Variants in CSMD1 observed in about 807,000 individuals in gnomAD.
CSMD1 encodes the protein CUB and sushi domain-containing protein 1.
A neutral mutation model predicts 417.5 loss-of-function variants in CSMD1; 213 were observed. The observed-to-expected ratio is 0.51, with a 90% CI of 0.46 to 0.57. The LOEUF (loss-of-function observed/expected upper bound fraction) is 0.57, where lower values mean the gene tolerates loss of function less well. Among genes scored for constraint, CSMD1 ranks in the 20% least tolerant of loss-of-function variants. The pLI is 0.00. For synonymous variants in CSMD1, 2,862 were observed against 1,736.8 expected (o/e 1.65, Z -16.11); for missense variants, 6,923 against 4,529.7 (o/e 1.53, Z -15.17).
At chr8:3,955,641 A>G (rs749508503) in intron 5 of CSMD1, among the ~76,000 whole-genome samples, 1 of 152,104 alleles carries the variant, frequency 6.6e-6, no homozygotes, top group Non-Finnish European at 1.5e-5. Flanking sequence ...ATACCTCACT[A>G]CTTCCTCTTT....
intron 12 of CSMD1, among the ~76,000 whole-genome samples, chr8:3,424,953 G>C (rs867012263): frequency 6.6e-6 from 1 of 152,078 alleles, no homozygotes; most frequent in Non-Finnish European, 1.5e-5. Flanking sequence ...TTCGACCTCA[G>C]CCCCTGGAGT....
chr8:3,673,500 T>C (rs954002252), intron 7 of CSMD1, among the ~76,000 whole-genome samples: 2 of 152,232 alleles, frequency 1.3e-5, no homozygotes, highest in African/African-American at 4.8e-5. Context: ...TCAACTGTGA[T>C]GTTCATAAAC....
chr8:4,876,337 T>A (rs1803042293), intron 1 of CSMD1, among the ~76,000 whole-genome samples: 1 of 152,026 alleles, frequency 6.6e-6, no homozygotes, highest in African/African-American at 2.4e-5. Flanking sequence ...TAACTTAAAA[T>A]CTACAGGTAA....
At chr8:3,385,551 T>C (rs1429251017) in intron 18 of CSMD1, among the ~76,000 whole-genome samples, 1 of 152,144 alleles carries the variant, frequency 6.6e-6, no homozygotes, top group Non-Finnish European at 1.5e-5. Flanking sequence ...TGTTACACAA[T>C]ACTTCTAAAA....
chr8:3,823,455 T>G (rs573957597), intron 5 of CSMD1, among the ~76,000 whole-genome samples: 1 of 152,322 alleles, frequency 6.6e-6, no homozygotes, highest in South Asian at 2.1e-4. Context: ...ATAAAACGTT[T>G]GCAATTTTTA....
intron 1 of CSMD1, among the ~76,000 whole-genome samples, chr8:4,720,809 C>G (rs1020630982): frequency 6.6e-6 from 1 of 152,064 alleles, no homozygotes; most frequent in African/African-American, 2.4e-5. Context: ...ATCTAAAGAT[C>G]AACAACGGCC....
At chr8:3,950,640 C>T (rs1436850050) in intron 5 of CSMD1, among the ~76,000 whole-genome samples, 1 of 152,184 alleles carries the variant, frequency 6.6e-6, no homozygotes, top group African/African-American at 2.4e-5. Flanking sequence ...TGATCTTTTT[C>T]TTCATGATGG....
At chr8:4,406,007 AATTC>A (rs1286167122) in intron 3 of CSMD1, among the ~76,000 whole-genome samples, 13 of 152,322 alleles carry the variant, frequency 8.5e-5, no homozygotes, top group Admixed American at 8.5e-4. Flanking sequence ...GTGAGAGGGC[AATTC>A]ATTCAGACTG....
intron 2 of CSMD1, among the ~76,000 whole-genome samples, chr8:4,635,055 TAAGGA>T (rs1379963720): frequency 1.3e-5 from 2 of 152,152 alleles, no homozygotes; most frequent in Admixed American, 1.3e-4. Flanking sequence ...ATCCTAACTC[TAAGGA>T]CAATAAACAA....
chr8:4,314,524 T>C (rs1018616908), intron 3 of CSMD1, among the ~76,000 whole-genome samples: 1 of 152,114 alleles, frequency 6.6e-6, no homozygotes, highest in African/African-American at 2.4e-5. Flanking sequence ...TGCCTTGGGA[T>C]TTCTCCCGAA....
intron 5 of CSMD1, among the ~76,000 whole-genome samples, chr8:3,855,770 C>G (rs1002749757): frequency 6.6e-6 from 1 of 152,132 alleles, no homozygotes; most frequent in African/African-American, 2.4e-5. Flanking sequence ...AGTCTGCTGA[C>G]TTTCTGAGTA....
chr8:3,431,335 G>A (rs1814205400), intron 12 of CSMD1, among the ~76,000 whole-genome samples: 1 of 152,090 alleles, frequency 6.6e-6, no homozygotes, highest in South Asian at 2.1e-4. Flanking sequence ...CTACAGAAAG[G>A]CAGTAACTTG....
intron 10 of CSMD1, among the ~76,000 whole-genome samples, chr8:3,514,990 T>A (rs914359035): frequency 1.3e-5 from 2 of 152,180 alleles, no homozygotes; most frequent in African/African-American, 4.8e-5. Flanking sequence ...AAAAACAACA[T>A]TTTATACTGA....
rs144358680 is a variant in CSMD1, at chr8:3,088,610, G to C, written c.7286-1325C>G. Among the ~76,000 whole-genome samples, 414 of 152,180 alleles carry C rather than the reference G, an allele frequency of 2.7e-3. 4 individuals carry two copies. Among genetic ancestry groups the C allele is most frequent in the Middle Eastern group, 0.01 (3 of 294 alleles). Reference sequence around the variant, plus strand: ...CCTCAGAAAATATTCTCAGCTGGGTGAGCCTCTGAAGTACCATTTCCTTTT... The same window carrying C: ...CCTCAGAAAATATTCTCAGCTGGGTCAGCCTCTGAAGTACCATTTCCTTTT... On this transcript the variant is annotated intron_variant, in intron 48 of 69. Transcript: ENST00000635120.
Position 3,649,383 on chromosome 8 carries a change from T to C in CSMD1, c.1010-32586A>G, listed in dbSNP as rs1387087828. Among the ~76,000 whole-genome samples the C allele has an allele frequency of 3.3e-5, 5 of 152,202 alleles. No individual in the cohort carries two copies. In the East Asian group the frequency reaches 7.7e-4, roughly 23 times the overall value. ...GCTTTTACACTGATATTAAAATTCA[T>C]CTGTATTAGTTCGTTTTCACACTGC... is the stretch of plus-strand genomic sequence containing the variant. On this transcript the variant is annotated intron_variant, in intron 7 of 69. Coordinates refer to ENST00000635120, the MANE Select transcript of CSMD1 (RefSeq NM_033225.6).
At chr8:3,092,468 C>T (rs1815009052) in intron 47 of CSMD1, among the ~76,000 whole-genome samples, 1 of 152,170 alleles carries the variant, frequency 6.6e-6, no homozygotes, top group South Asian at 2.1e-4. Context: ...CTTCAGAATA[C>T]TAACTTCCTC....
chr8:3,202,076 G>C (rs1797020625), intron 31 of CSMD1, among the ~76,000 whole-genome samples: 1 of 152,292 alleles, frequency 6.6e-6, no homozygotes, highest in South Asian at 2.1e-4. Flanking sequence ...GCTGAGGCAG[G>C]AGAATGGCTT....
At chr8:4,428,648 A>G (rs1013407984) in intron 2 of CSMD1, among the ~76,000 whole-genome samples, 5 of 152,164 alleles carry the variant, frequency 3.3e-5, no homozygotes, top group African/African-American at 1.2e-4. Context: ...CAGAACTTTT[A>G]GGGCTTATTA....
intron 5 of CSMD1, among the ~76,000 whole-genome samples, chr8:3,851,414 A>G (rs1803896628): frequency 6.6e-6 from 1 of 152,208 alleles, no homozygotes; most frequent in African/African-American, 2.4e-5. Flanking sequence ...ATGTAGCACT[A>G]CCAATTTCTC....
Sources: gnomAD v4.1 joint callset for allele counts (sites outside exome capture counted in the v4.1 genomes callset) on GRCh38, gnomAD v4.1.1 for gene constraint, MANE v1.5 for transcripts, NCBI Gene and HGNC (gene_info 2026-07-23, HGNC 2026-07-21) for gene names.